The following LRRK2 variants were observed in gnomAD, a reference collection of about 807,000 sequenced individuals.
LRRK2 encodes the protein leucine rich repeat kinase 2.
Under a neutral mutation model 302.6 loss-of-function variants are expected in LRRK2, and 203 were observed. The ratio of observed to expected loss-of-function variants is 0.67; its 90% CI spans 0.60 to 0.75. The LOEUF (loss-of-function observed/expected upper bound fraction) is 0.75. LRRK2 is among the 30% of genes least tolerant of loss of function. The pLI is 0.00. For synonymous variants in LRRK2, 1,066 were observed against 1,031.9 expected (o/e 1.03, Z -0.63); for missense variants, 2,830 against 2,951.0 (o/e 0.96, Z 0.95).
At chr12:40,345,542 G>C (rs1198093124) in intron 41 of LRRK2, among the ~76,000 whole-genome samples, 3 of 133,656 alleles carry the variant, frequency 2.2e-5, no homozygotes, top group Non-Finnish European at 3.1e-5. Flanking sequence ...AGAATCGCTT[G>C]AACCCAGGAG....
chr12:40,251,195 AT>A, intron 8 of LRRK2, 36 bp from the exon 9 acceptor site: 1 of 1,330,408 alleles, frequency 7.5e-7, no homozygotes, highest in Non-Finnish European at 1.0e-6. Context: ...TAGATAATAT[AT>A]ATAATGTTTT....
intron 43 of LRRK2, among the ~76,000 whole-genome samples, chr12:40,350,993 T>C (rs1028887460): frequency 2.6e-5 from 4 of 152,204 alleles, no homozygotes; most frequent in Non-Finnish European, 1.5e-5. Context: ...TTTCTTGGTG[T>C]CTCCTGAGTG....
intron 2 of LRRK2, among the ~76,000 whole-genome samples, chr12:40,231,807 A>T (rs116644875): frequency 1.4e-5 from 2 of 146,858 alleles, no homozygotes; most frequent in South Asian, 2.1e-4. Flanking sequence ...ATATATATAT[A>T]ATATATATAT....
chr12:40,327,345 A>T (rs1945584292), intron 38 of LRRK2, among the ~76,000 whole-genome samples: 1 of 152,182 alleles, frequency 6.6e-6, no homozygotes, highest in Admixed American at 6.5e-5. Context: ...GCTCATTACT[A>T]ATTCTACTAA....
intron 41 of LRRK2, among the ~76,000 whole-genome samples, chr12:40,343,707 T>A (rs1039371695): frequency 2.0e-5 from 3 of 152,224 alleles, no homozygotes; most frequent in African/African-American, 7.2e-5. Flanking sequence ...ATTGTAATCA[T>A]TATGATAATT....
intron 2 of LRRK2, among the ~76,000 whole-genome samples, chr12:40,225,910 G>A (rs17465730): frequency 4.0e-4 from 61 of 152,218 alleles, no homozygotes; most frequent in Non-Finnish European, 7.4e-4. Flanking sequence ...ATAAAAATGG[G>A]TTCGGTTTTA....
chr12:40,287,323 A>G, intron 19 of LRRK2, 28 bp from the exon 20 acceptor site: 2 of 1,586,436 alleles, frequency 1.3e-6, no homozygotes, highest in Admixed American at 3.4e-5. Flanking sequence ...GTTGATTTCT[A>G]AGTTGCTGGT....
Position 40,346,818 on chromosome 12 carries a change from T to C in LRRK2, c.6175T>C (p.Phe2059Leu), listed in dbSNP as rs528838140. The C allele has an allele frequency of 1.9e-6, 3 of 1,613,936 alleles. No individual in the cohort carries two copies. The Admixed American group carries it at 5.0e-5, about 27-fold the overall frequency. The change falls in exon 42 of 51, where the codon TTT becomes CTT. Residue 2059 changes from phenylalanine (F) to leucine (L), a missense_variant. Transcript: ENST00000298910. ...IYNQQADVYS[F>L]GLLLYDILTT... ...TAACCAACAGGCTGATGTTTATTCA[T>C]TTGGTTTACTACTCTATGACATTTT...
At chr12:40,301,305 T>TA (rs2136763575) in intron 25 of LRRK2, among the ~76,000 whole-genome samples, 1 of 152,190 alleles carries the variant, frequency 6.6e-6, no homozygotes, top group South Asian at 2.1e-4. Context: ...GTGACTATAA[T>TA]CCCAGCTACT....
intron 40 of LRRK2, among the ~76,000 whole-genome samples, chr12:40,339,197 T>A (rs1319878017): frequency 6.6e-6 from 1 of 152,192 alleles, no homozygotes; most frequent in East Asian, 1.9e-4. Flanking sequence ...ATTGATATAA[T>A]GTGAGCCAAA....
rs898845661 is a variant in LRRK2, at chr12:40,367,519, G to A, written c.7463-125G>A. ...TTATAAATAATAATTTAGTACATTA[G>A]TTATAGCTGTGTTTATATTTACATT... On this transcript the variant is annotated intron_variant, in intron 50 of 50. Transcript: ENST00000298910. 13 of 810,894 alleles carry A rather than the reference G, an allele frequency of 1.6e-5. No homozygotes were observed. The African/African-American group carries it at 2.1e-4, about 13-fold the overall frequency. The allele number at this position is 810,894 out of a possible 1,614,324, so 50.2% of individuals were successfully genotyped here.
At chr12:40,230,116 G>A (rs1345926226) in intron 2 of LRRK2, among the ~76,000 whole-genome samples, 1 of 152,092 alleles carries the variant, frequency 6.6e-6, no homozygotes, top group East Asian at 1.9e-4. Context: ...CTTACGTGGA[G>A]GAGGATGTCC....
Position 40,363,485 on chromosome 12 carries a change from C to A in LRRK2, c.7112C>A (p.Pro2371His). The A allele has an allele frequency of 6.2e-7, 1 of 1,611,982 alleles. No homozygotes were observed. The highest frequency in any genetic ancestry group is 8.5e-7 in the Non-Finnish European group (1 of 1,178,696). ...CTCTATATTGCTAAGCAAAATAGCC[C>A]TGTTGTGGAAGTGTGGGATAAGAAA... ...TALYIAKQNSPVVEVWDKKTE... is the reference protein window; with the variant it reads ...TALYIAKQNSHVVEVWDKKTE... The change falls in exon 48 of 51, where the codon CCT becomes CAT. Residue 2371 changes from proline to histidine, a missense_variant. Pro to His is a moderately conservative substitution (Grantham distance 77). Transcript: ENST00000298910.
At chr12:40,282,426 G>C (rs1357653939) in intron 18 of LRRK2, among the ~76,000 whole-genome samples, 2 of 152,024 alleles carry the variant, frequency 1.3e-5, no homozygotes, top group East Asian at 3.9e-4. Context: ...GATGGGAGCC[G>C]GGAGGAGAAA....
At chr12:40,329,673 T>A (rs10506152) in intron 39 of LRRK2, among the ~76,000 whole-genome samples, 17,731 of 152,160 alleles carry the variant, frequency 0.12, 1,231 homozygotes, top group African/African-American at 0.14. Flanking sequence ...TCTATTGTTA[T>A]GTATTTATCA....
At chr12:40,309,412 A>G (rs777794074) in intron 30 of LRRK2, among the ~76,000 whole-genome samples, 179 bp downstream of exon 30, 27 of 152,126 alleles carry the variant, frequency 1.8e-4, no homozygotes, top group Non-Finnish European at 3.8e-4. Flanking sequence ...AAGTCATAAC[A>G]TGAAAATTGT....
chr12:40,249,754 A>G (rs1349666569), intron 7 of LRRK2, 72 bp from the exon 8 acceptor site: 1 of 1,506,682 alleles, frequency 6.6e-7, no homozygotes, highest in African/African-American at 1.4e-5. Context: ...ATTGATGTAA[A>G]TAGTGTTATA....
Position 40,315,207 on chromosome 12 carries a change from T to C in LRRK2, c.4739-5T>C, listed in dbSNP as rs199639019. ...GTTTCACTGTTTGATGACTTTTTAC[T>C]ACAGGAGTCCTTCTTCATTTTCAAG... On this transcript the variant is annotated splice_polypyrimidine_tract_variant and splice_region_variant and intron_variant, in intron 32 of 50. Transcript: ENST00000298910. 36 of 1,609,424 alleles carry C rather than the reference T, an allele frequency of 2.2e-5. 1 individual carries two copies. The Middle Eastern group carries it at 8.2e-4, about 37-fold the overall frequency.
chr12:40,330,269 T>C (rs1945675997), intron 39 of LRRK2, among the ~76,000 whole-genome samples: 1 of 152,198 alleles, frequency 6.6e-6, no homozygotes, highest in Non-Finnish European at 1.5e-5. Context: ...TGCCCTCCCA[T>C]GTGGTGGATA....
Sources: gnomAD v4.1 joint callset for allele counts (sites outside exome capture counted in the v4.1 genomes callset) on GRCh38, gnomAD v4.1.1 for gene constraint, MANE v1.5 for transcripts, NCBI Gene and HGNC (gene_info 2026-07-23, HGNC 2026-07-21) for gene names.